The following CAMK1D variants were observed in gnomAD, a reference collection of about 807,000 sequenced individuals.
The protein encoded by CAMK1D is calcium/calmodulin-dependent protein kinase type 1D.
In CAMK1D, 9 loss-of-function variants were observed where a neutral mutation model predicts 47.7. The observed-to-expected ratio is 0.19, with a 90% CI of 0.11 to 0.33. The LOEUF is 0.33. Among genes scored for constraint, CAMK1D ranks in the 10% least tolerant of loss-of-function variants. The pLI is 1.00. For missense variants in CAMK1D, 291 were observed against 488.7 expected (o/e 0.60, Z 3.81); for synonymous variants, 184 against 184.9 (o/e 0.99, Z 0.04).
intron 1 of CAMK1D, among the ~76,000 whole-genome samples, chr10:12,454,659 C>T (rs1211314806): frequency 2.0e-5 from 3 of 151,802 alleles, no homozygotes; most frequent in East Asian, 1.9e-4. Flanking sequence ...GATGGAGTCT[C>T]GCTGTGTTCC....
intron 2 of CAMK1D, among the ~76,000 whole-genome samples, chr10:12,638,824 G>T (rs1423166352): frequency 6.6e-6 from 1 of 152,186 alleles, no homozygotes; most frequent in Non-Finnish European, 1.5e-5. Flanking sequence ...AGTGAGCGAG[G>T]GGGTGAGGTT....
chr10:12,791,004 T>A (rs1564564672), intron 5 of CAMK1D, among the ~76,000 whole-genome samples, 154 bp from the exon 6 acceptor site: 3 of 148,672 alleles, frequency 2.0e-5, no homozygotes, highest in African/African-American at 7.4e-5. Context: ...TTCCTTCCTT[T>A]AAAAAAAAAA....
rs574153244 is a variant in CAMK1D, at chr10:12,734,522, G to GTA, written c.300-26417_300-26416dup. Among the ~76,000 whole-genome samples, 56 of 136,840 alleles carry GTA rather than the reference G, an allele frequency of 4.1e-4. 1 individual carries two copies. In the East Asian group the frequency reaches 9.9e-3, roughly 24 times the overall value. 89.8% of individuals were successfully genotyped at this position (136,840 alleles called of 152,430 possible). ...TATACACACACACATATATATACAC[G>GTA]TATATATATACACACATATGTATAT... On this transcript the variant is annotated intron_variant, in intron 3 of 10. Coordinates refer to ENST00000619168, the MANE Select transcript of CAMK1D (RefSeq NM_153498.4).
At chr10:12,405,879 C>G (rs1367188528) in intron 1 of CAMK1D, among the ~76,000 whole-genome samples, 1 of 152,138 alleles carries the variant, frequency 6.6e-6, no homozygotes, top group Non-Finnish European at 1.5e-5. Flanking sequence ...AATTTGCCAG[C>G]CCTTTAAAGT....
At chr10:12,791,126 TC>T in intron 5 of CAMK1D, 31 bp from the exon 6 acceptor site, 2 of 1,609,270 alleles carry the variant, frequency 1.2e-6, no homozygotes, top group Non-Finnish European at 1.7e-6. Flanking sequence ...ATGTAAATTG[TC>T]AGGCTGTGTC....
intron 6 of CAMK1D, among the ~76,000 whole-genome samples, chr10:12,801,259 A>ATCCATCCG (rs1333061254): frequency 6.9e-6 from 1 of 144,072 alleles, no homozygotes; most frequent in East Asian, 2.5e-4. Context: ...CCATCCATCC[A>ATCCATCCG]TCTGTCCGTC....
chr10:12,535,500 A>G (rs1480656972), intron 1 of CAMK1D, among the ~76,000 whole-genome samples: 1 of 152,190 alleles, frequency 6.6e-6, no homozygotes, highest in Non-Finnish European at 1.5e-5. Flanking sequence ...GTCAGCTCCA[A>G]GAAATAATGG....
chr10:12,372,918 A>G (rs1189998394), intron 1 of CAMK1D, among the ~76,000 whole-genome samples: 1 of 152,240 alleles, frequency 6.6e-6, no homozygotes, highest in Admixed American at 6.5e-5. Flanking sequence ...GGCGTGAGCC[A>G]CTGTGCCTCA....
intron 2 of CAMK1D, among the ~76,000 whole-genome samples, chr10:12,598,548 C>T (rs1459400534): frequency 6.6e-6 from 1 of 152,150 alleles, no homozygotes; most frequent in Non-Finnish European, 1.5e-5. Flanking sequence ...ACACCACTTC[C>T]TGCAGATTCA....
chr10:12,700,050 C>T (rs181491209), intron 3 of CAMK1D, among the ~76,000 whole-genome samples: 38 of 152,164 alleles, frequency 2.5e-4, no homozygotes, highest in Admixed American at 2.0e-3. Flanking sequence ...TCATTTTCCA[C>T]GAACTTTTTG....
intron 2 of CAMK1D, among the ~76,000 whole-genome samples, chr10:12,633,919 A>G (rs564835084): frequency 4.6e-5 from 7 of 152,304 alleles, no homozygotes; most frequent in African/African-American, 1.2e-4. Flanking sequence ...ACCCTTTTGC[A>G]GTGGTTTGAC....
intron 1 of CAMK1D, among the ~76,000 whole-genome samples, chr10:12,411,897 C>G (rs904200386): frequency 6.6e-6 from 1 of 152,198 alleles, no homozygotes; most frequent in Non-Finnish European, 1.5e-5. Context: ...CCCGGACAAG[C>G]CTACCTGGCT....
At chr10:12,675,774 T>C (rs1423575402) in intron 3 of CAMK1D, among the ~76,000 whole-genome samples, 2 of 152,218 alleles carry the variant, frequency 1.3e-5, no homozygotes, top group Admixed American at 6.5e-5. Flanking sequence ...CAGGGACCTA[T>C]GTGTCCTGGC....
chr10:12,387,392 A>T (rs377007418), intron 1 of CAMK1D, among the ~76,000 whole-genome samples: 8 of 43,546 alleles, frequency 1.8e-4, no homozygotes, highest in Non-Finnish European at 2.4e-4. Context: ...TATATATATT[A>T]TATATTTTTA....
At chr10:12,723,370 C>T (rs1452789370) in intron 3 of CAMK1D, among the ~76,000 whole-genome samples, 2 of 152,178 alleles carry the variant, frequency 1.3e-5, no homozygotes, top group Non-Finnish European at 2.9e-5. Flanking sequence ...TGACCTCACA[C>T]AGATGGTAAA....
chr10:12,603,032 A>G (rs1050403488), intron 2 of CAMK1D, among the ~76,000 whole-genome samples: 1 of 151,580 alleles, frequency 6.6e-6, no homozygotes, highest in East Asian at 1.9e-4. Flanking sequence ...TGCCTCAGCC[A>G]TCTGAATAGC....
In CAMK1D at chr10:12,798,829, C is replaced by T. The variant is rs980807424; in HGVS notation, c.641+7596C>T. On this transcript the variant is annotated intron_variant, in intron 6 of 10. Transcript: ENST00000619168. ...CTCTGAATTATCAGGATTTTTCATT[C>T]CCCTAGCAGGACACTGTGCACACAG... 3.9e-5 allele frequency among the ~76,000 whole-genome samples: 6 copies of T among 152,250 alleles called. No individual in the cohort carries two copies. In the East Asian group the frequency reaches 1.2e-3, roughly 29 times the overall value.
intron 4 of CAMK1D, among the ~76,000 whole-genome samples, chr10:12,761,892 A>G (rs1412403391): frequency 6.6e-6 from 1 of 152,204 alleles, no homozygotes; most frequent in East Asian, 1.9e-4. Flanking sequence ...CTCAAAAAAA[A>G]TAAATAAATA....
chr10:12,708,527 A>T (rs772946498), intron 3 of CAMK1D, among the ~76,000 whole-genome samples: 1 of 152,222 alleles, frequency 6.6e-6, no homozygotes, highest in Admixed American at 6.5e-5. Flanking sequence ...TTATTTTTTC[A>T]TTAAGCTCCA....
Sources: gnomAD v4.1 joint callset for allele counts (sites outside exome capture counted in the v4.1 genomes callset) on GRCh38, gnomAD v4.1.1 for gene constraint, MANE v1.5 for transcripts, NCBI Gene and HGNC (gene_info 2026-07-23, HGNC 2026-07-21) for gene names.